The following PREX1 variants were observed in gnomAD, a reference collection of about 807,000 sequenced individuals.
PREX1 encodes phosphatidylinositol-3,4,5-trisphosphate dependent Rac exchange factor 1, also known as phosphatidylinositol 3,4,5-trisphosphate-dependent Rac exchanger 1 protein.
PREX1 carries 41 observed loss-of-function variants against 198.3 expected under a neutral mutation model. The ratio of observed to expected loss-of-function variants is 0.21; its 90% CI spans 0.16 to 0.27. The LOEUF (loss-of-function observed/expected upper bound fraction) is 0.27, where lower values mean the gene tolerates loss of function less well. Ranked by LOEUF, PREX1 falls within the 10% of genes least tolerant of loss-of-function variation. The pLI is 1.00. For missense variants in PREX1, 1,620 were observed against 2,200.7 expected, an observed-to-expected ratio of 0.74 and a Z score of 5.28; for synonymous variants, 843 against 887.2, an observed-to-expected ratio of 0.95 and a Z score of 0.89.
intron 5 of PREX1, among the ~76,000 whole-genome samples, chr20:48,716,230 C>T (rs1022404448): frequency 1.3e-5 from 2 of 152,156 alleles, no homozygotes; most frequent in Non-Finnish European, 1.5e-5. Flanking sequence ...GGGCCCCAAG[C>T]GAAGGCTTCC....
chr20:48,867,784 G>T, the PREX1 span, among the ~76,000 whole-genome samples: 2 of 151,924 alleles, frequency 1.3e-5, no homozygotes, highest in Non-Finnish European at 2.9e-5. Context: ...GACAGAGTGA[G>T]ACTCTGTCTC....
intron 5 of PREX1, 99 bp downstream of exon 5, chr20:48,726,191 G>T: frequency 1.0e-6 from 1 of 986,540 alleles, no homozygotes. Context: ...GCCCAAAGCT[G>T]ACACTGCTGC....
the PREX1 span, among the ~76,000 whole-genome samples, chr20:48,843,415 C>T: frequency 2.0e-5 from 3 of 152,064 alleles, no homozygotes; most frequent in Non-Finnish European, 4.4e-5. Context: ...AGGAATGGTC[C>T]CCACAAGGTT....
intron 6 of PREX1, among the ~76,000 whole-genome samples, chr20:48,707,631 T>A (rs1197648163): frequency 1.3e-5 from 2 of 152,250 alleles, no homozygotes; most frequent in African/African-American, 4.8e-5. Context: ...TATGGATTTT[T>A]TTCATTTATT....
chr20:48,804,101 A>G (rs1426501524), intron 1 of PREX1, among the ~76,000 whole-genome samples: 1 of 152,206 alleles, frequency 6.6e-6, no homozygotes, highest in Non-Finnish European at 1.5e-5. Flanking sequence ...CGCCCAGAAG[A>G]AGGCCTGGGA....
At chr20:48,662,411 G>A (rs2089604025) in intron 15 of PREX1, among the ~76,000 whole-genome samples, 1 of 152,198 alleles carries the variant, frequency 6.6e-6, no homozygotes, top group Non-Finnish European at 1.5e-5. Context: ...GGCTTTATAG[G>A]ATAATCTCAG....
At chr20:48,674,446 A>C (rs1470954864) in intron 14 of PREX1, among the ~76,000 whole-genome samples, 1 of 152,216 alleles carries the variant, frequency 6.6e-6, no homozygotes. Context: ...ATAAAGCTGC[A>C]CTCTGTAGAT....
chr20:48,749,207 T>C (rs181721320), intron 1 of PREX1, among the ~76,000 whole-genome samples: 71 of 152,274 alleles, frequency 4.7e-4, no homozygotes, highest in Non-Finnish European at 6.0e-4. Context: ...GATCTGGCTG[T>C]AGGCTAACCT....
chr20:48,657,680 G>A (rs1284145058), intron 17 of PREX1, among the ~76,000 whole-genome samples: 1 of 152,182 alleles, frequency 6.6e-6, no homozygotes, highest in African/African-American at 2.4e-5. Context: ...CAGCCAGCAC[G>A]GCAGGTGCAT....
At chr20:48,711,578 T>C (rs549768304) in intron 5 of PREX1, among the ~76,000 whole-genome samples, 1 of 152,236 alleles carries the variant, frequency 6.6e-6, no homozygotes, top group Admixed American at 6.5e-5. Context: ...GTCCAACCCA[T>C]CACCCGTTTT....
intron 1 of PREX1, among the ~76,000 whole-genome samples, chr20:48,821,452 C>T (rs1296435970): frequency 6.6e-6 from 1 of 152,202 alleles, no homozygotes; most frequent in African/African-American, 2.4e-5. Flanking sequence ...GAATCAGCTC[C>T]GACCTGGCCC....
chr20:48,633,140 ACATCACT>A (rs920260742), intron 33 of PREX1, among the ~76,000 whole-genome samples: 1 of 152,198 alleles, frequency 6.6e-6, no homozygotes, highest in Non-Finnish European at 1.5e-5. Flanking sequence ...CCCATGGCAG[ACATCACT>A]CATCGATCAA....
In PREX1 at chr20:48,760,692, T is replaced by C. The variant is rs1461024200; in HGVS notation, c.220-12812A>G. Among the ~76,000 whole-genome samples the C allele has an allele frequency of 5.3e-5, 8 of 152,100 alleles. No individual in the cohort carries two copies. In the East Asian group the frequency reaches 5.8e-4, roughly 11 times the overall value. On this transcript the variant is annotated intron_variant, in intron 1 of 39. Transcript: ENST00000371941. ...CAGGAAGTTGCTTGTGATGATATTC[T>C]AGGGGGACAAGTCCTCTCCGAGTAC...
At chr20:48,784,100 G>A (rs1033935201) in intron 1 of PREX1, among the ~76,000 whole-genome samples, 6 of 152,152 alleles carry the variant, frequency 3.9e-5, no homozygotes, top group Non-Finnish European at 5.9e-5. Flanking sequence ...CCCAGGAGTC[G>A]CTGGCTCACA....
chr20:48,788,417 G>A (rs983380362), intron 1 of PREX1, among the ~76,000 whole-genome samples: 22 of 152,136 alleles, frequency 1.4e-4, no homozygotes, highest in African/African-American at 4.6e-4. Flanking sequence ...CCCTGAGGAT[G>A]ATGGCAGGCT....
At chr20:48,721,494 A>G (rs977989693) in intron 5 of PREX1, among the ~76,000 whole-genome samples, 1 of 152,218 alleles carries the variant, frequency 6.6e-6, no homozygotes, top group Non-Finnish European at 1.5e-5. Context: ...GAGCAGGTGC[A>G]AAGGCCCTGA....
At chr20:48,756,737 T>C (rs897781265) in intron 1 of PREX1, among the ~76,000 whole-genome samples, 2 of 152,190 alleles carry the variant, frequency 1.3e-5, no homozygotes, top group Non-Finnish European at 2.9e-5. Context: ...TCTCCAGATA[T>C]CTGCAGGGCC....
intron 1 of PREX1, among the ~76,000 whole-genome samples, chr20:48,771,855 C>T (rs979849700): frequency 2.0e-5 from 3 of 152,124 alleles, no homozygotes; most frequent in Non-Finnish European, 4.4e-5. Context: ...ATTCAGCAAG[C>T]GTGTTTTGCT....
intron 30 of PREX1, among the ~76,000 whole-genome samples, chr20:48,638,521 T>C (rs1251945938): frequency 6.6e-6 from 1 of 152,072 alleles, no homozygotes; most frequent in Admixed American, 6.5e-5. Context: ...TGGAAGGGCT[T>C]TGGATTTGGT....
Sources: gnomAD v4.1 joint callset for allele counts (sites outside exome capture counted in the v4.1 genomes callset) on GRCh38, gnomAD v4.1.1 for gene constraint, MANE v1.5 for transcripts, NCBI Gene and HGNC (gene_info 2026-07-23, HGNC 2026-07-21) for gene names.